Variants in KRIT1 observed in about 807,000 individuals in gnomAD.
The protein encoded by KRIT1 is KRIT1 ankyrin repeat containing.
In KRIT1, 45 loss-of-function variants were observed where a neutral mutation model predicts 95.8. The ratio of observed to expected loss-of-function variants is 0.47; its 90% CI spans 0.37 to 0.60. The LOEUF is 0.60. Ranked by LOEUF, KRIT1 falls within the 20% of genes least tolerant of loss-of-function variation. KRIT1 has a pLI of 0.00. For missense variants in KRIT1, 788 were observed against 877.5 expected, an observed-to-expected ratio of 0.90 and a Z score of 1.29; for synonymous variants, 282 against 278.8, an observed-to-expected ratio of 1.01 and a Z score of -0.11.
chr7:92,224,418 T>C (rs1795795023), intron 12 of KRIT1, among the ~76,000 whole-genome samples: 1 of 152,060 alleles, frequency 6.6e-6, no homozygotes, highest in African/African-American at 2.4e-5. Flanking sequence ...ATCACGATTG[T>C]CTGTGAATAG....
chr7:92,216,717 G>A (rs1305868075), intron 14 of KRIT1, among the ~76,000 whole-genome samples: 1 of 152,052 alleles, frequency 6.6e-6, no homozygotes, highest in African/African-American at 2.4e-5. Context: ...AATGGTAAAT[G>A]GTGTAAACTG....
In KRIT1 at chr7:92,234,596, A is replaced by AT. The variant is rs373763254; in HGVS notation, c.846-5dup. The AT allele has an allele frequency of 4.2e-4, 680 of 1,611,962 alleles. 6 individuals carry two copies. In the African/African-American group the frequency reaches 7.9e-3, roughly 19 times the overall value. ...ATCATCTACCCACTGTCGTTCCCTA[A>AT]TCATTAAAAAGAAATTTTGAAAAAT... On this transcript the variant is annotated splice_region_variant and splice_polypyrimidine_tract_variant and intron_variant, in intron 9 of 18. Coordinates refer to ENST00000394505, the MANE Select transcript of KRIT1 (RefSeq NM_194454.3).
chr7:92,236,403 C>T lies in KRIT1; in HGVS notation c.485+10G>A. 2 of 1,583,114 alleles carry T rather than the reference C, an allele frequency of 1.3e-6. No homozygotes were observed. Among genetic ancestry groups the T allele is most frequent in the South Asian group, 2.2e-5 (2 of 90,450 alleles). Reference sequence around the variant, plus strand: ...ATTAATTAAAAGATACTTCTAACGGCATTTCTTACTTATCCAAGGCTATTA... The same window carrying T: ...ATTAATTAAAAGATACTTCTAACGGTATTTCTTACTTATCCAAGGCTATTA... On this transcript the variant is annotated intron_variant, in intron 7 of 18. Transcript: ENST00000394505.
In KRIT1 at chr7:92,235,585, G is replaced by C. The variant is rs1161802228; in HGVS notation, c.547C>G (p.Leu183Val). ...FIPALFRPSP[L>V]ERIKTNVINP... Reference sequence around the variant, plus strand: ...ATGACATTAGTTTTTATCCGCTCAAGAGGAGAAGGTCGGAATAAAGCTGGA... The same window carrying C: ...ATGACATTAGTTTTTATCCGCTCAACAGGAGAAGGTCGGAATAAAGCTGGA... Residue 183 changes from leucine (L) to valine (V), a missense_variant, in exon 8 of 19, where the codon CTT (leucine) becomes GTT (valine). By Grantham distance (32) the Leu-to-Val change is conservative. Around this residue, in one of 3 missense-constraint regions of KRIT1, gnomAD observed 289 missense variants for 277.5 expected, o/e 1.04. Coordinates refer to ENST00000394505, the MANE Select transcript of KRIT1 (RefSeq NM_194454.3). 1 of 1,613,652 alleles carries C rather than the reference G, an allele frequency of 6.2e-7. No homozygotes were observed. Among genetic ancestry groups the C allele is most frequent in the Non-Finnish European group, 8.5e-7 (1 of 1,179,812 alleles).
At chr7:92,204,827 C>T (rs1485795912) in intron 17 of KRIT1, among the ~76,000 whole-genome samples, 6 of 152,052 alleles carry the variant, frequency 3.9e-5, no homozygotes, top group Non-Finnish European at 5.9e-5. Context: ...AGTCCATGGC[C>T]TGGGTGTTGG....
At chr7:92,219,444 G>A (rs551798845) in intron 14 of KRIT1, among the ~76,000 whole-genome samples, 19 of 152,224 alleles carry the variant, frequency 1.2e-4, no homozygotes, top group Middle Eastern at 3.4e-3. Flanking sequence ...AAAGTCTACC[G>A]GCTGTATATG....
intron 17 of KRIT1, among the ~76,000 whole-genome samples, chr7:92,211,525 G>A (rs1563235339): frequency 1.3e-5 from 2 of 152,128 alleles, no homozygotes; most frequent in East Asian, 1.9e-4. Flanking sequence ...GGTAGGGTAG[G>A]AATAAGGAGA....
intron 5 of KRIT1, among the ~76,000 whole-genome samples, chr7:92,238,515 C>A (rs1238911079): frequency 6.6e-6 from 1 of 152,132 alleles, no homozygotes; most frequent in South Asian, 2.1e-4. Context: ...ATTATTAAGA[C>A]CTTCTATATT....
At chr7:92,240,599 A>C (rs756362160) in intron 5 of KRIT1, among the ~76,000 whole-genome samples, 1 of 152,174 alleles carries the variant, frequency 6.6e-6, no homozygotes, top group Admixed American at 6.5e-5. Flanking sequence ...TCTTTCTATG[A>C]CCAAATAGGA....
chr7:92,233,409 CTT>C (rs35291071), intron 10 of KRIT1, among the ~76,000 whole-genome samples: 16 of 140,138 alleles, frequency 1.1e-4, no homozygotes, highest in South Asian at 2.3e-4. Context: ...TAATGTGGTA[CTT>C]TTTTTTTTTT....
intron 13 of KRIT1, 76 bp downstream of exon 13, chr7:92,222,743 AAAG>A (rs2131449569): frequency 1.2e-6 from 1 of 840,646 alleles, no homozygotes; most frequent in East Asian, 2.5e-5. Flanking sequence ...TCAAGAATAA[AAAG>A]AAGTTGTATT....
intron 17 of KRIT1, among the ~76,000 whole-genome samples, chr7:92,210,497 C>T (rs548492221): frequency 3.9e-5 from 6 of 152,240 alleles, no homozygotes; most frequent in East Asian, 1.9e-4. Context: ...AAGAATAAAA[C>T]TAGACTCCAT....
At position 92,235,584 on chromosome 7, in the gene KRIT1, A is replaced by G. The variant is rs767824987; in HGVS notation, c.548T>C (p.Leu183Pro). Residue 183 changes from leucine to proline, a missense_variant, in exon 8 of 19, where the codon CTT (leucine) becomes CCT (proline). Leu to Pro is a moderately conservative substitution (Grantham distance 98). Coordinates refer to ENST00000394505, the MANE Select transcript of KRIT1 (RefSeq NM_194454.3). Reference sequence around the variant, plus strand: ...TATGACATTAGTTTTTATCCGCTCAAGAGGAGAAGGTCGGAATAAAGCTGG... The same window carrying G: ...TATGACATTAGTTTTTATCCGCTCAGGAGGAGAAGGTCGGAATAAAGCTGG... ...FIPALFRPSP[L>P]ERIKTNVINP... 1.2e-6 allele frequency: 2 copies of G among 1,613,916 alleles called. No homozygotes were observed. The highest frequency in any genetic ancestry group is 2.2e-5 in the South Asian group (2 of 91,078).
intron 17 of KRIT1, chr7:92,202,237 A>AT (rs1311256911): frequency 3.3e-5 from 5 of 152,160 alleles, no homozygotes; most frequent in Non-Finnish European, 7.4e-5. Flanking sequence ...CATCAGAGCT[A>AT]TTTTTTTAAG....
intron 10 of KRIT1, among the ~76,000 whole-genome samples, chr7:92,230,479 G>A (rs1797052330): frequency 6.6e-6 from 1 of 152,120 alleles, no homozygotes; most frequent in African/African-American, 2.4e-5. Flanking sequence ...CTGCAGAGCA[G>A]GGAAACAGAT....
At chr7:92,202,179 T>C (rs979429732) in intron 17 of KRIT1, 1 of 152,218 alleles carries the variant, frequency 6.6e-6, no homozygotes, top group Non-Finnish European at 1.5e-5. Flanking sequence ...ATATTTATTA[T>C]AAAAGTAAGC....
chr7:92,218,978 T>G (rs1794565442), intron 14 of KRIT1, among the ~76,000 whole-genome samples: 2 of 152,106 alleles, frequency 1.3e-5, no homozygotes, highest in Non-Finnish European at 2.9e-5. Flanking sequence ...GCACTTATAT[T>G]TAGGTCACTG....
At chr7:92,237,591 ATTC>A (rs1798686307) in intron 6 of KRIT1, 73 bp downstream of exon 6, 2 of 770,658 alleles carry the variant, frequency 2.6e-6, no homozygotes, top group Admixed American at 4.3e-5. Context: ...ATGAATGCAA[ATTC>A]TTAACTTCCT....
At chr7:92,213,744 A>G in intron 16 of KRIT1, 148 bp downstream of exon 16, 1 of 639,462 alleles carries the variant, frequency 1.6e-6, no homozygotes, top group Non-Finnish European at 2.8e-6. Flanking sequence ...ATATCTTGCT[A>G]CTTTCAATTT....
Sources: gnomAD v4.1 joint callset for allele counts (sites outside exome capture counted in the v4.1 genomes callset) on GRCh38, gnomAD v4.1.1 for gene constraint, gnomAD v4.1.1 regional missense constraint, MANE v1.5 for transcripts, NCBI Gene and HGNC (gene_info 2026-07-23, HGNC 2026-07-21) for gene names.